MYO3A: variants seen among roughly 807,000 people sequenced by gnomAD.
MYO3A encodes myosin IIIA.
In MYO3A, 180 loss-of-function variants were observed where a neutral mutation model predicts 192.7. The observed-to-expected ratio is 0.93, with a 90% CI of 0.83 to 1.06. The LOEUF is 1.06. Among genes scored for constraint, MYO3A ranks in the 50% least tolerant of loss-of-function variants. MYO3A has a pLI of 0.00. For synonymous variants in MYO3A, 628 were observed against 645.3 expected, an observed-to-expected ratio of 0.97 and a Z score of 0.41; for missense variants, 1,896 against 1,905.0, an observed-to-expected ratio of 1.00 and a Z score of 0.09.
At chr10:25,941,760 C>T (rs760926233) in intron 2 of MYO3A, among the ~76,000 whole-genome samples, 5 of 152,048 alleles carry the variant, frequency 3.3e-5, no homozygotes, top group Non-Finnish European at 7.3e-5. Context: ...AACAAAATTC[C>T]TGTTCTCTCT....
chr10:26,060,912 T>C (rs1199792678), intron 10 of MYO3A, among the ~76,000 whole-genome samples: 1 of 144,736 alleles, frequency 6.9e-6, no homozygotes, highest in Admixed American at 6.9e-5. Flanking sequence ...AAGACAACTT[T>C]TTATTTTTAT....
chr10:25,975,547 A>G (rs1053195636), intron 4 of MYO3A, among the ~76,000 whole-genome samples: 9 of 152,182 alleles, frequency 5.9e-5, no homozygotes, highest in African/African-American at 9.7e-5. Flanking sequence ...GAGAGGGTCT[A>G]TTGAGTTGTC....
chr10:26,055,754 G>C (rs1844277245), intron 10 of MYO3A, among the ~76,000 whole-genome samples: 1 of 152,214 alleles, frequency 6.6e-6, no homozygotes, highest in African/African-American at 2.4e-5. Flanking sequence ...GGAATAGGAG[G>C]GGAGTAGAGA....
At chr10:25,968,596 T>G (rs920084153) in intron 4 of MYO3A, among the ~76,000 whole-genome samples, 14 of 152,190 alleles carry the variant, frequency 9.2e-5, no homozygotes, top group African/African-American at 3.4e-4. Flanking sequence ...TTATAACCAG[T>G]GTAAATAGCA....
intron 31 of MYO3A, among the ~76,000 whole-genome samples, chr10:26,181,316 G>A (rs1490967542): frequency 2.0e-5 from 3 of 152,100 alleles, no homozygotes; most frequent in African/African-American, 7.2e-5. Context: ...TGCTTAGAAA[G>A]GACAAACTAT....
intron 10 of MYO3A, among the ~76,000 whole-genome samples, chr10:26,047,360 T>C (rs1331365580): frequency 6.6e-6 from 1 of 152,318 alleles, no homozygotes; most frequent in East Asian, 1.9e-4. Flanking sequence ...TATCAAGAGC[T>C]TTAACCTACA....
At chr10:25,991,227 T>G (rs1840009381) in intron 4 of MYO3A, among the ~76,000 whole-genome samples, 2 of 152,226 alleles carry the variant, frequency 1.3e-5, no homozygotes, top group African/African-American at 4.8e-5. Flanking sequence ...AGATGATATC[T>G]CATTGTGGTT....
chr10:26,093,662 C>A (rs1263577357), intron 15 of MYO3A, among the ~76,000 whole-genome samples: 2 of 152,172 alleles, frequency 1.3e-5, no homozygotes, highest in African/African-American at 4.8e-5. Flanking sequence ...GTCCCTGCAG[C>A]TTTTCTCGTT....
intron 4 of MYO3A, among the ~76,000 whole-genome samples, chr10:25,971,611 G>A (rs1838648536): frequency 6.6e-6 from 1 of 152,124 alleles, no homozygotes; most frequent in Non-Finnish European, 1.5e-5. Flanking sequence ...GAGTTTTGCT[G>A]AGTATGATAG....
chr10:26,097,156 AC>A (rs1325822579), intron 17 of MYO3A, among the ~76,000 whole-genome samples: 3 of 152,054 alleles, frequency 2.0e-5, no homozygotes, highest in South Asian at 2.1e-4. Flanking sequence ...TAAATTTTTC[AC>A]CCCAAAAAGA....
Position 25,952,169 on chromosome 10 carries a change from C to T in MYO3A, c.59C>T (p.Thr20Ile). ...IFDNFPDPSDTWEITETIGKG... is the reference protein window; with the variant it reads ...IFDNFPDPSDIWEITETIGKG... ...GATAACTTTCCTGATCCTTCTGATA[C>T]ATGGGAAATCACTGAGACAATTGGC... Residue 20 changes from threonine (T) to isoleucine (I), a missense_variant, in exon 3 of 35, where the codon ACA becomes ATA. Physicochemically the swap from Thr to Ile is moderately conservative, Grantham distance 89. Coordinates refer to ENST00000642920, the MANE Select transcript of MYO3A (RefSeq NM_017433.5). 1 of 1,612,220 alleles carries T rather than the reference C, an allele frequency of 6.2e-7. No homozygotes were observed. Among genetic ancestry groups the T allele is most frequent in the South Asian group, 1.1e-5 (1 of 91,046 alleles).
At chr10:25,995,363 T>C (rs1461930799) in intron 4 of MYO3A, among the ~76,000 whole-genome samples, 3 of 152,224 alleles carry the variant, frequency 2.0e-5, no homozygotes, top group Non-Finnish European at 4.4e-5. Flanking sequence ...CATCAGGTCC[T>C]TTAAGGACTT....
intron 19 of MYO3A, among the ~76,000 whole-genome samples, chr10:26,127,241 T>C (rs568168094): frequency 6.6e-6 from 1 of 152,310 alleles, no homozygotes; most frequent in African/African-American, 2.4e-5. Flanking sequence ...AAGCCATTAA[T>C]AGATCTTACT....
At chr10:26,118,697 T>G (rs1025861833) in intron 17 of MYO3A, among the ~76,000 whole-genome samples, 3 of 151,950 alleles carry the variant, frequency 2.0e-5, no homozygotes, top group African/African-American at 7.3e-5. Flanking sequence ...AGTGGCACGA[T>G]CTCGGCTCAC....
intron 7 of MYO3A, among the ~76,000 whole-genome samples, chr10:26,019,940 A>G (rs1194611120): frequency 2.0e-5 from 3 of 152,128 alleles, no homozygotes; most frequent in Admixed American, 6.6e-5. Context: ...TCAGCAGTTC[A>G]CTCTCATGTG....
At position 26,174,324 on chromosome 10, in the gene MYO3A, C is replaced by T. The variant is rs1348525266; in HGVS notation, c.4060C>T (p.Gln1354Ter). 3 of 1,614,138 alleles carry T rather than the reference C, an allele frequency of 1.9e-6. No individual in the cohort carries two copies. In the South Asian group the frequency reaches 3.3e-5, roughly 18 times the overall value. The change falls in exon 30 of 35, where the codon CAG becomes TAG. Residue 1354 changes from glutamine to a stop codon, truncating the protein, a stop_gained. Transcript: ENST00000642920. LOFTEE classifies it high-confidence loss of function. The stretch of plus-strand genomic sequence containing the variant: ...AGAAGATAAAGCAGCGGTATTCATT[C>T]AGAGCAAATACCGGGGTTACAAGAG... The part of the protein sequence containing the change: ...EEEDKAAVFI[Q>*]SKYRGYKRRQ...
At chr10:26,157,565 A>T (rs888309462) in intron 26 of MYO3A, 50 bp downstream of exon 26, 4 of 1,561,406 alleles carry the variant, frequency 2.6e-6, no homozygotes, top group African/African-American at 1.4e-5. Context: ...TATAAAAATC[A>T]TTCAGAAGAA....
intron 6 of MYO3A, among the ~76,000 whole-genome samples, chr10:26,000,094 C>T (rs2130921627): frequency 6.6e-6 from 1 of 152,294 alleles, no homozygotes; most frequent in South Asian, 2.1e-4. Context: ...CTGCGACTAC[C>T]TTGTTCAGTA....
intron 31 of MYO3A, among the ~76,000 whole-genome samples, chr10:26,192,169 T>C (rs538015745): frequency 9.3e-4 from 142 of 152,306 alleles, no homozygotes; most frequent in African/African-American, 3.3e-3. Flanking sequence ...CATCCAAGTG[T>C]ACAGATCACC....
Sources: allele counts gnomAD v4.1 joint callset (sites outside exome capture counted in the v4.1 genomes callset), GRCh38; gene constraint gnomAD v4.1.1; transcripts MANE v1.5; gene names NCBI Gene and HGNC (gene_info 2026-07-23, HGNC 2026-07-21).